UBR2: variants seen among roughly 807,000 people sequenced by gnomAD.
The protein encoded by UBR2 is E3 ubiquitin-protein ligase UBR2.
In UBR2, 92 loss-of-function variants were observed where a neutral mutation model predicts 247.9. The ratio of observed to expected loss-of-function variants is 0.37; its 90% CI spans 0.31 to 0.44. The LOEUF is 0.44. UBR2 is among the 20% of genes least tolerant of loss of function. The pLI is 1.00. For missense variants in UBR2, 1,613 were observed against 2,112.6 expected (o/e 0.76, Z 4.64); for synonymous variants, 672 against 693.5 (o/e 0.97, Z 0.49).
intron 25 of UBR2, among the ~76,000 whole-genome samples, chr6:42,655,200 G>A (rs144254522): frequency 9.0e-4 from 137 of 152,094 alleles, no homozygotes; most frequent in African/African-American, 2.9e-3. Flanking sequence ...CTTCAAGGCC[G>A]GGCATGGTGG....
At chr6:42,598,078 G>T (rs1183770925) in intron 4 of UBR2, among the ~76,000 whole-genome samples, 1 of 152,134 alleles carries the variant, frequency 6.6e-6, no homozygotes, top group Non-Finnish European at 1.5e-5. Context: ...GAAATGCTAT[G>T]CAGGAGTTCC....
chr6:42,668,694 G>A (rs908398416), intron 34 of UBR2, among the ~76,000 whole-genome samples: 1 of 151,844 alleles, frequency 6.6e-6, no homozygotes, highest in Non-Finnish European at 1.5e-5. Flanking sequence ...CACCCACCTC[G>A]GCCTCCCAAA....
At chr6:42,639,938 G>T (rs1005762653) in intron 15 of UBR2, among the ~76,000 whole-genome samples, 3 of 152,202 alleles carry the variant, frequency 2.0e-5, no homozygotes, top group African/African-American at 7.2e-5. Flanking sequence ...TGAGGCAGGA[G>T]AATGGCGTGA....
intron 4 of UBR2, among the ~76,000 whole-genome samples, chr6:42,594,928 C>A (rs2151919555): frequency 6.6e-6 from 1 of 152,234 alleles, no homozygotes; most frequent in South Asian, 2.1e-4. Context: ...CCATATATTT[C>A]TAATAACTCA....
At chr6:42,640,078 C>A in intron 15 of UBR2, 131 bp from the exon 16 acceptor site, 1 of 686,424 alleles carries the variant, frequency 1.5e-6, no homozygotes. Flanking sequence ...CATTTTCTAT[C>A]TTAATTGGTA....
chr6:42,606,715 G>T, intron 7 of UBR2, 64 bp downstream of exon 7: 2 of 1,365,414 alleles, frequency 1.5e-6, no homozygotes, highest in Non-Finnish European at 2.0e-6. Context: ...TCATATTTCA[G>T]CATTTATGAA....
At chr6:42,683,838 A>AAG (rs915690737) in intron 43 of UBR2, among the ~76,000 whole-genome samples, 19 of 152,360 alleles carry the variant, frequency 1.2e-4, no homozygotes, top group African/African-American at 4.1e-4. Context: ...AAGTAATGCA[A>AAG]ACATTCCAAA....
intron 8 of UBR2, among the ~76,000 whole-genome samples, chr6:42,614,328 G>GTATATATGTA (rs1554250279): frequency 7.3e-6 from 1 of 137,170 alleles, no homozygotes; most frequent in Non-Finnish European, 1.5e-5. Context: ...GTATATATGT[G>GTATATATGTA]TATATGTGTA....
chr6:42,567,997 T>C (rs2151897622), intron 1 of UBR2, among the ~76,000 whole-genome samples: 1 of 152,288 alleles, frequency 6.6e-6, no homozygotes, highest in African/African-American at 2.4e-5. Context: ...CAGTGAGCTA[T>C]GATCATGCCA....
In UBR2 at chr6:42,659,934, T is replaced by G. The variant is rs1797707020; in HGVS notation, c.3442+79T>G. The G allele has an allele frequency of 7.1e-7, 1 of 1,416,040 alleles. No individual in the cohort carries two copies. The highest frequency in any genetic ancestry group is 1.8e-5 in the Admixed American group (1 of 55,034). The allele number at this position is 1,416,040 out of a possible 1,614,324, so 87.7% of individuals were successfully genotyped here. On this transcript the variant is annotated intron_variant, in intron 30 of 46. Coordinates refer to ENST00000372901, the MANE Select transcript of UBR2 (RefSeq NM_001363705.2). The surrounding 1 kb of genome is among the most constrained non-coding windows in gnomAD (Gnocchi z 4.3). Reference sequence around the variant, plus strand: ...GTGGTTGGTGATACGTTGAGATTTTTTAAACCTAAAAATAACTCCATGGAC... The same window carrying G: ...GTGGTTGGTGATACGTTGAGATTTTGTAAACCTAAAAATAACTCCATGGAC...
intron 2 of UBR2, among the ~76,000 whole-genome samples, chr6:42,578,533 C>T (rs889541337): frequency 1.7e-4 from 26 of 151,862 alleles, no homozygotes; most frequent in African/African-American, 6.1e-4. Flanking sequence ...TTTTTCCTCC[C>T]TGAGTCATTA....
chr6:42,619,449 A>ATTT (rs1422611425), intron 11 of UBR2: 26 of 29,116 alleles, frequency 8.9e-4, no homozygotes, highest in East Asian at 1.6e-3. Context: ...ATATATATAT[A>ATTT]TATATTTTTT....
chr6:42,635,575 G>A (rs1796039730), intron 14 of UBR2, 29 bp downstream of exon 14: 3 of 1,588,368 alleles, frequency 1.9e-6, no homozygotes, highest in Non-Finnish European at 2.6e-6. Context: ...CGGGGAATAG[G>A]AGGAAAGTGG....
At chr6:42,657,993 T>C in intron 26 of UBR2, 31 bp from the exon 27 acceptor site, 1 of 1,522,356 alleles carries the variant, frequency 6.6e-7, no homozygotes, top group East Asian at 2.3e-5. Flanking sequence ...TATTAGCTAT[T>C]GTTATTGTGC....
intron 7 of UBR2, among the ~76,000 whole-genome samples, chr6:42,607,839 T>C (rs1793814034): frequency 6.6e-6 from 1 of 152,066 alleles, no homozygotes; most frequent in Non-Finnish European, 1.5e-5. Context: ...ATTTCATATA[T>C]TAAATATCCA....
Position 42,570,672 on chromosome 6 carries a change from A to AG in UBR2, c.79-3061dup, listed in dbSNP as rs549773963. On this transcript the variant is annotated intron_variant, in intron 1 of 46. Coordinates refer to ENST00000372901, the MANE Select transcript of UBR2 (RefSeq NM_001363705.2). ...AATAATATTTTTATGTAAAGTGGCTAGTTTTTTTTTTGTTGTTTGTTTGTT... is the reference window on the plus strand; with the variant it reads ...AATAATATTTTTATGTAAAGTGGCTAGGTTTTTTTTTTGTTGTTTGTTTGTT... Among the ~76,000 whole-genome samples the AG allele has an allele frequency of 3.8e-4, 55 of 145,764 alleles. 2 individuals carry two copies. In the South Asian group the frequency reaches 0.011, roughly 28 times the overall value.
At chr6:42,688,176 T>G in intron 44 of UBR2, 40 bp from the exon 45 acceptor site, 5 of 1,613,916 alleles carry the variant, frequency 3.1e-6, no homozygotes, top group Non-Finnish European at 4.2e-6. Context: ...CTTTAGCCAC[T>G]CTTTAGATCA....
intron 11 of UBR2, among the ~76,000 whole-genome samples, chr6:42,631,891 A>ATATATAT (rs752152787): frequency 0.052 from 5,874 of 113,152 alleles, 443 homozygotes; most frequent in East Asian, 0.061. Flanking sequence ...TATATATATA[A>ATATATAT]ATACAGGTTC....
At chr6:42,627,308 T>C (rs370580814) in intron 11 of UBR2, among the ~76,000 whole-genome samples, 1 of 152,156 alleles carries the variant, frequency 6.6e-6, no homozygotes, top group African/African-American at 2.4e-5. Context: ...TCTTAGGTTT[T>C]ACAATAGTAA....
Sources: allele counts gnomAD v4.1 joint callset (sites outside exome capture counted in the v4.1 genomes callset), GRCh38; gene constraint gnomAD v4.1.1; non-coding constraint Gnocchi (gnomAD v3.1); transcripts MANE v1.5; gene names NCBI Gene and HGNC (gene_info 2026-07-23, HGNC 2026-07-21).